HERC1: variants seen among roughly 807,000 people sequenced by gnomAD.
The protein encoded by HERC1 is probable E3 ubiquitin-protein ligase HERC1.
In HERC1, 160 loss-of-function variants were observed where a neutral mutation model predicts 554.3. The ratio of observed to expected loss-of-function variants is 0.29; its 90% confidence interval spans 0.25 to 0.33. The LOEUF (loss-of-function observed/expected upper bound fraction) is 0.33, where lower values mean the gene tolerates loss of function less well. Among genes scored for constraint, HERC1 ranks in the 10% least tolerant of loss-of-function variants. The pLI, the probability that HERC1 is intolerant of heterozygous loss-of-function variation, is 1.00. For synonymous variants in HERC1, 2,175 were observed against 2,131.7 expected (o/e 1.02, Z -0.56); for missense variants, 4,919 against 5,918.5 (o/e 0.83, Z 5.54).
At position 63,615,971 on chromosome 15, in the gene HERC1, A is replaced by G. The variant is rs188404892; in HGVS notation, c.13942-51T>C. The G allele has an allele frequency of 1.8e-4, 256 of 1,449,168 alleles. 1 individual carries two copies. The East Asian group carries it at 4.3e-3, about 24-fold the overall frequency. The allele number at this position is 1,449,168 out of a possible 1,614,324, so 89.8% of individuals were successfully genotyped here. ...TTATTACATGGTAGAAATGACAGCA[A>G]AAAGTATTTTACATACAAATACGGC... On this transcript the variant is annotated intron_variant, in intron 75 of 77. Coordinates refer to ENST00000443617, the MANE Select transcript of HERC1 (RefSeq NM_003922.4).
At chr15:63,824,982 T>C (rs1398920251) in intron 1 of HERC1, among the ~76,000 whole-genome samples, 1 of 151,764 alleles carries the variant, frequency 6.6e-6, no homozygotes, top group Non-Finnish European at 1.5e-5. Flanking sequence ...GTTGCAGTTA[T>C]GTAGGATGAA....
intron 27 of HERC1, 149 bp from the exon 28 acceptor site, chr15:63,695,043 A>C: frequency 1.6e-6 from 1 of 641,320 alleles, no homozygotes; most frequent in Non-Finnish European, 2.2e-6. Flanking sequence ...AGTATATAAT[A>C]ATTTTTTTTT....
intron 1 of HERC1, among the ~76,000 whole-genome samples, chr15:63,823,546 T>C (rs1396971347): frequency 6.6e-6 from 1 of 152,202 alleles, no homozygotes; most frequent in African/African-American, 2.4e-5. Context: ...ACAATGCCCG[T>C]GACCTTTCTC....
At chr15:63,805,652 A>G (rs1415580951) in intron 1 of HERC1, among the ~76,000 whole-genome samples, 1 of 152,204 alleles carries the variant, frequency 6.6e-6, no homozygotes, top group African/African-American at 2.4e-5. Flanking sequence ...AAGCTGACCA[A>G]AAACAAACAA....
chr15:63,668,870 A>G (rs1173075154), intron 40 of HERC1, among the ~76,000 whole-genome samples: 8 of 152,222 alleles, frequency 5.3e-5, no homozygotes, highest in African/African-American at 1.9e-4. Flanking sequence ...CAAGTAGACA[A>G]AAAAACCAGA....
Position 63,732,913 on chromosome 15 carries a change from GAAC to G in HERC1, c.2868+8_2868+10del, listed in dbSNP as rs1782612586. 6.5e-7 allele frequency: 1 copy of G among 1,545,868 alleles called. No homozygotes were observed. The highest frequency in any genetic ancestry group is 2.2e-5 in the East Asian group (1 of 44,478). The stretch of plus-strand genomic sequence containing the variant: ...TTATTCTTTTTTTACTACAATGAAA[GAAC>G]AACTTACTGTATAAAATCCTAAATT... On this transcript the variant is annotated splice_region_variant and intron_variant, in intron 14 of 77. Coordinates refer to ENST00000443617, the MANE Select transcript of HERC1 (RefSeq NM_003922.4).
At chr15:63,693,264 G>C (rs1481002101) in intron 30 of HERC1, among the ~76,000 whole-genome samples, 1 of 144,548 alleles carries the variant, frequency 6.9e-6, no homozygotes, top group African/African-American at 2.6e-5. Flanking sequence ...TTTTTTTTGA[G>C]ACAGGCTCTC....
At position 63,643,549 on chromosome 15, in the gene HERC1, T is replaced by C; in HGVS notation, c.11186A>G (p.Asp3729Gly). The C allele has an allele frequency of 6.4e-7, 1 of 1,570,460 alleles. No individual in the cohort carries two copies. Among genetic ancestry groups the C allele is most frequent in the Non-Finnish European group, 8.6e-7 (1 of 1,157,364 alleles). ...GWWEQESNCQ[D>G]GYRKSSGAKC... Reference sequence around the variant, plus strand: ...GGCTCCTGATGATTTCCTATATCCATCCTGAAATTCATTATTTTTAACATG... The same window carrying C: ...GGCTCCTGATGATTTCCTATATCCACCCTGAAATTCATTATTTTTAACATG... The change falls in exon 58 of 78, where the codon GAT (aspartate) becomes GGT (glycine). Residue 3729 changes from aspartate to glycine, a missense_variant and splice_region_variant. Transcript: ENST00000443617.
rs2075171936 is a variant in HERC1 at position 63,749,682 on chromosome 15, G to T, written c.2012C>A (p.Ser671Tyr). The change falls in exon 9 of 78, where the codon TCT becomes TAT. Residue 671 changes from serine to tyrosine, a missense_variant. Physicochemically the swap from Ser to Tyr is moderately radical, Grantham distance 144 (BLOSUM62 -2). Coordinates refer to ENST00000443617, the MANE Select transcript of HERC1 (RefSeq NM_003922.4). The surrounding 1 kb of genome is among the most constrained non-coding windows in gnomAD (Gnocchi z 4.1). ...ELAATRIVDV[S>Y]IGDSHCLALS... ...AGCCAAACAATGACTGTCTCCAATAGAAACATCAACTATTCTTGTGGCAGC... is the reference window on the plus strand; with the variant it reads ...AGCCAAACAATGACTGTCTCCAATATAAACATCAACTATTCTTGTGGCAGC... 2 of 1,596,714 alleles carry T rather than the reference G, an allele frequency of 1.3e-6. No individual in the cohort carries two copies. The highest frequency in any genetic ancestry group is 2.3e-5 in the East Asian group (1 of 44,150).
intron 25 of HERC1, among the ~76,000 whole-genome samples, chr15:63,700,427 C>A (rs969277676): frequency 1.3e-5 from 2 of 151,438 alleles, no homozygotes; most frequent in African/African-American, 4.9e-5. Flanking sequence ...CACTAATGCC[C>A]ACAGAGAAAA....
rs1567065916 is a variant in HERC1, at chr15:63,734,276, G to A, written c.2646+448C>T. On this transcript the variant is annotated intron_variant, in intron 13 of 77. Coordinates refer to ENST00000443617, the MANE Select transcript of HERC1 (RefSeq NM_003922.4). This position sits in a 1 kb window ranked among gnomAD's most constrained non-coding sequence, Gnocchi z 4.6. ...CTCTGAATCTGATAACTTCTACTTG[G>A]TTGAGCAAAATGTACTATTTTAAGG... Among the ~76,000 whole-genome samples the A allele has an allele frequency of 6.6e-6, 1 of 152,054 alleles. No individual in the cohort carries two copies. Among genetic ancestry groups the A allele is most frequent in the Admixed American group, 6.6e-5 (1 of 15,260 alleles).
At chr15:63,633,764 A>T (rs1177529333) in intron 67 of HERC1, 84 bp downstream of exon 67, 2 of 1,404,384 alleles carry the variant, frequency 1.4e-6, no homozygotes, top group East Asian at 2.5e-5. Context: ...ACTAAAGGTA[A>T]ATTATTTCCA....
At chr15:63,798,829 T>C (rs2076891237) in intron 1 of HERC1, among the ~76,000 whole-genome samples, 2 of 152,350 alleles carry the variant, frequency 1.3e-5, no homozygotes, top group South Asian at 4.1e-4. Context: ...CTCATAGGTA[T>C]ATTAAGGTCA....
intron 36 of HERC1, among the ~76,000 whole-genome samples, chr15:63,679,503 C>T (rs918684060): frequency 4.6e-5 from 7 of 151,968 alleles, no homozygotes; most frequent in Non-Finnish European, 2.9e-5. Context: ...ACTATGCATC[C>T]GCAAGTGAAA....
chr15:63,680,922 C>T lies in HERC1; in HGVS notation c.6226-146G>A, dbSNP rs1376449774. ...ATTTTCAGCATAAATAAAAATAACACGAAAATAATCGCATCAATTTAGAAA... is the reference window on the plus strand; with the variant it reads ...ATTTTCAGCATAAATAAAAATAACATGAAAATAATCGCATCAATTTAGAAA... On this transcript the variant is annotated intron_variant, in intron 34 of 77. Transcript: ENST00000443617. The surrounding 1 kb of genome is among the most constrained non-coding windows in gnomAD (Gnocchi z 5.8). 4 of 588,980 alleles carry T rather than the reference C, an allele frequency of 6.8e-6. No homozygotes were observed. Among genetic ancestry groups the T allele is most frequent in the East Asian group, 5.9e-5 (2 of 33,986 alleles). 36.5% of individuals were successfully genotyped at this position (588,980 alleles called of 1,614,324 possible). A position where few individuals can be genotyped will look rare whatever the true frequency, so the allele number is the denominator to read the frequency against.
In HERC1 at chr15:63,775,167, T is replaced by C. The variant is rs1482615630; in HGVS notation, c.457A>G (p.Ser153Gly). ...VHSVSERPRS[S>G]TDALIEMGVR... is the part of the protein sequence containing the mutation. Reference sequence around the variant, plus strand: ...CCCATTTCTATAAGTGCATCAGTGCTTGACCGGGGGCGTTCACTAACAGAA... The same window carrying C: ...CCCATTTCTATAAGTGCATCAGTGCCTGACCGGGGGCGTTCACTAACAGAA... Residue 153 changes from serine (S) to glycine (G), a missense_variant, in exon 2 of 78, where the codon AGC becomes GGC. Ser to Gly is a moderately conservative substitution (Grantham distance 56). Coordinates refer to ENST00000443617, the MANE Select transcript of HERC1 (RefSeq NM_003922.4). This position sits in a 1 kb window ranked among gnomAD's most constrained non-coding sequence, Gnocchi z 4.0. 1.9e-6 allele frequency: 3 copies of C among 1,614,042 alleles called. No homozygotes were observed. The Admixed American group carries it at 5.0e-5, about 27-fold the overall frequency.
intron 25 of HERC1, among the ~76,000 whole-genome samples, chr15:63,700,901 G>T (rs141467601): frequency 6.6e-6 from 1 of 151,706 alleles, no homozygotes; most frequent in East Asian, 1.9e-4. Context: ...ATAAAGTAGA[G>T]GCTAATGTAA....
At chr15:63,650,667 C>T (rs1442784650) in intron 53 of HERC1, among the ~76,000 whole-genome samples, 1 of 152,154 alleles carries the variant, frequency 6.6e-6, no homozygotes, top group African/African-American at 2.4e-5. Context: ...GTACAAATGT[C>T]AAGCACTTAA....
In HERC1 at chr15:63,624,247, G is replaced by A. The variant is rs767041049; in HGVS notation, c.13356C>T (p.Tyr4452=). Residue 4452 remains tyrosine (Y), a synonymous_variant, in exon 72 of 78, where the codon TAC becomes TAT. Coordinates refer to ENST00000443617, the MANE Select transcript of HERC1 (RefSeq NM_003922.4). ...QLRPLLAPRV[Y]TLPMVRSIGK... ...CTATGGAGCGCACCATTGGCAGAGT[G>A]TAGACTCTTGGGGCTAACAAAGGCC... 5 of 1,613,816 alleles carry A rather than the reference G, an allele frequency of 3.1e-6. No homozygotes were observed. The highest frequency in any genetic ancestry group is 1.1e-5 in the South Asian group (1 of 91,078).
Sources: gnomAD v4.1 joint callset for allele counts (sites outside exome capture counted in the v4.1 genomes callset) on GRCh38, gnomAD v4.1.1 for gene constraint, Gnocchi (gnomAD v3.1) non-coding constraint, MANE v1.5 for transcripts, NCBI Gene and HGNC (gene_info 2026-07-23, HGNC 2026-07-21) for gene names.